FAM53B: variants seen among roughly 807,000 people sequenced by gnomAD.
The protein encoded by FAM53B is protein FAM53B.
In FAM53B, 12 loss-of-function variants were observed where a neutral mutation model predicts 32.7. The observed-to-expected ratio is 0.37, with a 90% CI of 0.24 to 0.59. The LOEUF (loss-of-function observed/expected upper bound fraction) is 0.59, where lower values mean the gene tolerates loss of function less well. Among genes scored for constraint, FAM53B ranks in the 20% least tolerant of loss-of-function variants. The pLI, the probability that FAM53B is intolerant of heterozygous loss-of-function variation, is 0.72. For missense variants in FAM53B, 477 were observed against 577.7 expected, an observed-to-expected ratio of 0.83 and a Z score of 1.79; for synonymous variants, 234 against 228.7, an observed-to-expected ratio of 1.02 and a Z score of -0.21.
intron 4 of FAM53B, among the ~76,000 whole-genome samples, chr10:124,628,972 C>G (rs577955337): frequency 6.6e-6 from 1 of 152,384 alleles, no homozygotes; most frequent in Non-Finnish European, 1.5e-5. Context: ...CTCTCTGTGT[C>G]ACTGGCACGA....
intron 4 of FAM53B, among the ~76,000 whole-genome samples, chr10:124,680,396 C>T (rs1258161892): frequency 1.3e-5 from 2 of 152,224 alleles, no homozygotes; most frequent in Non-Finnish European, 2.9e-5. Context: ...ATGCTTTAGA[C>T]TTAAGACACC....
chr10:124,643,316 G>A (rs183066210), intron 4 of FAM53B, among the ~76,000 whole-genome samples: 1,591 of 152,358 alleles, frequency 0.01, 116 homozygotes, highest in Admixed American at 0.097. Flanking sequence ...GCTGGGCTGT[G>A]GGGCCATTGA....
At chr10:124,691,667 A>G (rs1358935970) in intron 3 of FAM53B, among the ~76,000 whole-genome samples, 3 of 152,224 alleles carry the variant, frequency 2.0e-5, no homozygotes, top group Non-Finnish European at 2.9e-5. Flanking sequence ...TTGTCCCTGC[A>G]ATACAAATGC....
At chr10:124,706,360 C>A (rs1026977598) in intron 2 of FAM53B, among the ~76,000 whole-genome samples, 1 of 152,196 alleles carries the variant, frequency 6.6e-6, no homozygotes, top group Non-Finnish European at 1.5e-5. Flanking sequence ...GCTTGGCAGG[C>A]GGCAGAATCA....
In FAM53B at chr10:124,682,321, G is replaced by A. The variant is rs1252742909; in HGVS notation, c.192C>T (p.Ser64=). The A allele has an allele frequency of 6.2e-7, 1 of 1,613,738 alleles. No individual in the cohort carries two copies. Among genetic ancestry groups the A allele is most frequent in the South Asian group, 1.1e-5 (1 of 91,080 alleles). The change falls in exon 4 of 5, where the codon AGC becomes AGT. Residue 64 remains serine, a synonymous_variant. Coordinates refer to ENST00000337318, the MANE Select transcript of FAM53B (RefSeq NM_014661.4). This position sits in a 1 kb window ranked among gnomAD's most constrained non-coding sequence, Gnocchi z 5.2. ...RKCPLQIDQP[S]TSIWECLPEK... ...CAGGCAGGCATTCCCAGATGCTGGTGCTCGGTTGGTCAATCTGAAGAGGGC... is the reference window on the plus strand; with the variant it reads ...CAGGCAGGCATTCCCAGATGCTGGTACTCGGTTGGTCAATCTGAAGAGGGC...
intron 4 of FAM53B, among the ~76,000 whole-genome samples, chr10:124,663,109 T>C (rs1949645089): frequency 6.6e-6 from 1 of 152,206 alleles, no homozygotes; most frequent in African/African-American, 2.4e-5. Context: ...CATGTGAGTG[T>C]GGACCCCAGA....
chr10:124,668,103 A>G (rs563021975), intron 4 of FAM53B, among the ~76,000 whole-genome samples: 2 of 152,318 alleles, frequency 1.3e-5, no homozygotes, highest in African/African-American at 4.8e-5. Context: ...GCCGGCATGC[A>G]TATTTGTTCG....
At chr10:124,639,421 C>G (rs564418502) in intron 4 of FAM53B, among the ~76,000 whole-genome samples, 138 of 152,336 alleles carry the variant, frequency 9.1e-4, no homozygotes, top group African/African-American at 3.2e-3. Flanking sequence ...AATAGAAAAT[C>G]TGCTCTGTCT....
chr10:124,666,798 G>A (rs1418580589), intron 4 of FAM53B, among the ~76,000 whole-genome samples: 1 of 152,236 alleles, frequency 6.6e-6, no homozygotes, highest in African/African-American at 2.4e-5. Context: ...CGAGGAGGGT[G>A]GAGCAGGTGA....
At chr10:124,697,243 A>C (rs146554054) in intron 2 of FAM53B, among the ~76,000 whole-genome samples, 151 of 152,268 alleles carry the variant, frequency 9.9e-4, no homozygotes, top group African/African-American at 3.5e-3. Flanking sequence ...GCAATGATGA[A>C]AGGAGCTCTT....
intron 4 of FAM53B, 152 bp from the exon 5 acceptor site, chr10:124,623,756 C>G: frequency 1.3e-6 from 1 of 758,780 alleles, no homozygotes; most frequent in Non-Finnish European, 2.0e-6. Flanking sequence ...GGCCCATGAG[C>G]AACGTACTCA....
At chr10:124,624,600 T>C (rs762825601) in intron 4 of FAM53B, among the ~76,000 whole-genome samples, 19 of 152,130 alleles carry the variant, frequency 1.2e-4, no homozygotes, top group Non-Finnish European at 2.5e-4. Flanking sequence ...AGGCACCAAG[T>C]GTGCTCCCAG....
rs1950154239 is a variant in FAM53B, at chr10:124,733,044, G to A, written c.-175+10969C>T. On this transcript the variant is annotated intron_variant, in intron 1 of 4. Transcript: ENST00000337318. This position sits in a 1 kb window ranked among gnomAD's most constrained non-coding sequence, Gnocchi z 4.3. ...TTACTTTCTTTTCTAACAGGTGAAG[G>A]CATGTGCTAACCTCCCCGGGAATGA... Among the ~76,000 whole-genome samples the A allele has an allele frequency of 6.6e-6, 1 of 152,124 alleles. No individual in the cohort carries two copies. Among genetic ancestry groups the A allele is most frequent in the Non-Finnish European group, 1.5e-5 (1 of 68,028 alleles).
intron 2 of FAM53B, among the ~76,000 whole-genome samples, chr10:124,698,602 A>G (rs1008833413): frequency 1.3e-5 from 2 of 152,270 alleles, no homozygotes; most frequent in Admixed American, 1.3e-4. Flanking sequence ...CATTCATTCA[A>G]TGAGGACTTA....
chr10:124,742,069 G>A (rs1237171601), intron 1 of FAM53B, among the ~76,000 whole-genome samples: 3 of 152,142 alleles, frequency 2.0e-5, no homozygotes, highest in Admixed American at 6.5e-5. Flanking sequence ...AAATCGCCTC[G>A]TTCTCTGAAG....
At chr10:124,731,247 C>T (rs774299304) in intron 1 of FAM53B, among the ~76,000 whole-genome samples, 1 of 152,222 alleles carries the variant, frequency 6.6e-6, no homozygotes, top group Non-Finnish European at 1.5e-5. Context: ...TGAATGAAAA[C>T]GGGAAAGAAC....
At chr10:124,640,018 A>G (rs1051087427) in intron 4 of FAM53B, among the ~76,000 whole-genome samples, 1 of 152,118 alleles carries the variant, frequency 6.6e-6, no homozygotes, top group Non-Finnish European at 1.5e-5. Flanking sequence ...TGCTACCATA[A>G]AATACCAGAA....
At position 124,728,903 on chromosome 10, in the gene FAM53B, G is replaced by T. The variant is rs1194331914; in HGVS notation, c.-175+15110C>A. Among the ~76,000 whole-genome samples, 7 of 152,342 alleles carry T rather than the reference G, an allele frequency of 4.6e-5. No individual in the cohort carries two copies. In the South Asian group the frequency reaches 1.2e-3, roughly 27 times the overall value. ...ACAATTGGGGACAAAACTAGGTGGTGAGGAGAAACTGGCTTTGGAGCAGAG... is the reference window on the plus strand; with the variant it reads ...ACAATTGGGGACAAAACTAGGTGGTTAGGAGAAACTGGCTTTGGAGCAGAG... On this transcript the variant is annotated intron_variant, in intron 1 of 4. Coordinates refer to ENST00000337318, the MANE Select transcript of FAM53B (RefSeq NM_014661.4).
intron 4 of FAM53B, among the ~76,000 whole-genome samples, chr10:124,662,414 T>TCGTCCGTCCATC (rs1554905081): frequency 1.3e-5 from 2 of 152,094 alleles, no homozygotes; most frequent in African/African-American, 4.8e-5. Flanking sequence ...GTGAGTTCGT[T>TCGTCCGTCCATC]CGTCCGTCCA....
Sources: allele counts gnomAD v4.1 joint callset (sites outside exome capture counted in the v4.1 genomes callset), GRCh38; gene constraint gnomAD v4.1.1; non-coding constraint Gnocchi (gnomAD v3.1); transcripts MANE v1.5; gene names NCBI Gene and HGNC (gene_info 2026-07-23, HGNC 2026-07-21).